Variants in RNLS observed in about 807,000 individuals in gnomAD.
RNLS encodes the protein renalase, FAD dependent amine oxidase.
Under a neutral mutation model 39.8 loss-of-function variants are expected in RNLS, and 39 were observed. The ratio of observed to expected loss-of-function variants is 0.98; its 90% CI spans 0.76 to 1.28. RNLS has a LOEUF of 1.28. Ranked by LOEUF, RNLS falls within the 50% of genes most tolerant of loss-of-function variation. The pLI is 0.00. For synonymous variants in RNLS, 147 were observed against 150.7 expected, an observed-to-expected ratio of 0.98 and a Z score of 0.18; for missense variants, 410 against 413.3, an observed-to-expected ratio of 0.99 and a Z score of 0.07.
At chr10:88,309,524 T>C (rs1241471670) in intron 6 of RNLS, 3 of 1,165,764 alleles carry the variant, frequency 2.6e-6, no homozygotes, top group Non-Finnish European at 3.4e-6. Flanking sequence ...TCCCCTTTTC[T>C]CTCTTACTCC....
chr10:88,317,167 A>T (rs1020313577), intron 5 of RNLS, among the ~76,000 whole-genome samples: 1 of 152,188 alleles, frequency 6.6e-6, no homozygotes, highest in Non-Finnish European at 1.5e-5. Context: ...TTATTTCTCT[A>T]CTTTGGGAAA....
chr10:88,316,236 T>C (rs76914642), intron 5 of RNLS, among the ~76,000 whole-genome samples: 7,864 of 152,144 alleles, frequency 0.052, 279 homozygotes, highest in South Asian at 0.11. Flanking sequence ...AAAGAGGAAA[T>C]AGAGGGGCCA....
At chr10:88,440,876 C>A (rs1324722793) in intron 4 of RNLS, among the ~76,000 whole-genome samples, 1 of 152,082 alleles carries the variant, frequency 6.6e-6, no homozygotes, top group Non-Finnish European at 1.5e-5. Flanking sequence ...TGCTGAGATG[C>A]TTGAGGGAGG....
intron 4 of RNLS, among the ~76,000 whole-genome samples, chr10:88,516,491 T>C (rs899395850): frequency 2.0e-5 from 3 of 151,948 alleles, no homozygotes; most frequent in African/African-American, 4.8e-5. Flanking sequence ...TAAACTACAA[T>C]GGAATTACAT....
At chr10:88,350,141 T>C (rs1848580606) in intron 5 of RNLS, among the ~76,000 whole-genome samples, 1 of 152,158 alleles carries the variant, frequency 6.6e-6, no homozygotes, top group Non-Finnish European at 1.5e-5. Flanking sequence ...CTTCCTTTTT[T>C]GTTCTACTTA....
chr10:88,321,558 C>T (rs1379564735), intron 5 of RNLS, among the ~76,000 whole-genome samples: 1 of 151,972 alleles, frequency 6.6e-6, no homozygotes, highest in Non-Finnish European at 1.5e-5. Flanking sequence ...CCAGTAGCTA[C>T]ATTAACCAAG....
chr10:88,188,527 G>A, the RNLS span, among the ~76,000 whole-genome samples: 42 of 152,328 alleles, frequency 2.8e-4, no homozygotes, highest in African/African-American at 1.0e-3. Flanking sequence ...TTTTGGGTAC[G>A]ATGCTTTTCC....
chr10:88,403,524 A>G (rs1464406170), intron 4 of RNLS, among the ~76,000 whole-genome samples: 3 of 152,120 alleles, frequency 2.0e-5, no homozygotes, highest in Non-Finnish European at 4.4e-5. Flanking sequence ...TTTGGGTCAC[A>G]TTGGGATTAT....
chr10:88,208,716 T>G, the RNLS span, among the ~76,000 whole-genome samples: 1 of 152,090 alleles, frequency 6.6e-6, no homozygotes, highest in South Asian at 2.1e-4. Flanking sequence ...TCTACAGAAA[T>G]TTCTGATATT....
intron 4 of RNLS, among the ~76,000 whole-genome samples, chr10:88,458,951 A>G (rs1842785494): frequency 6.6e-6 from 1 of 152,214 alleles, no homozygotes; most frequent in Non-Finnish European, 1.5e-5. Flanking sequence ...AAGGAAGGAA[A>G]GAAAGAAGGG....
chr10:88,193,850 A>T, the RNLS span, among the ~76,000 whole-genome samples: 1 of 152,180 alleles, frequency 6.6e-6, no homozygotes. Flanking sequence ...AAAATTAGCT[A>T]AAACCAATTA....
chr10:88,504,181 GATTACTTATA>G (rs1006864201), intron 4 of RNLS, among the ~76,000 whole-genome samples: 11 of 152,188 alleles, frequency 7.2e-5, no homozygotes, highest in African/African-American at 2.6e-4. Context: ...AAGCTACTTA[GATTACTTATA>G]ACAGCAAAAC....
At chr10:88,509,631 C>T (rs547518444) in intron 4 of RNLS, among the ~76,000 whole-genome samples, 25 of 149,484 alleles carry the variant, frequency 1.7e-4, no homozygotes, top group Non-Finnish European at 3.5e-4. Context: ...AGAACATTAG[C>T]TTAAAAAATG....
the RNLS span, among the ~76,000 whole-genome samples, chr10:88,263,227 A>G: frequency 6.6e-6 from 1 of 152,156 alleles, no homozygotes; most frequent in African/African-American, 2.4e-5. Context: ...AGTGAAATTC[A>G]TGACGAGAAT....
intron 3 of RNLS, among the ~76,000 whole-genome samples, chr10:88,575,194 T>C (rs1850113895): frequency 1.2e-5 from 1 of 85,084 alleles, no homozygotes; most frequent in Non-Finnish European, 2.2e-5. Flanking sequence ...TATATATATA[T>C]ACTATATATA....
intron 4 of RNLS, among the ~76,000 whole-genome samples, chr10:88,381,028 T>C (rs764871372): frequency 1.3e-5 from 2 of 152,240 alleles, no homozygotes; most frequent in Non-Finnish European, 2.9e-5. Flanking sequence ...TGCCATTTTA[T>C]TTTAATTTAT....
At chr10:88,335,658 TAAG>T (rs964698770) in intron 5 of RNLS, among the ~76,000 whole-genome samples, 20 of 152,214 alleles carry the variant, frequency 1.3e-4, no homozygotes, top group African/African-American at 3.9e-4. Context: ...TTATTAAAAA[TAAG>T]AAGCAGGTGG....
intron 4 of RNLS, among the ~76,000 whole-genome samples, chr10:88,443,720 G>A (rs1275161902): frequency 6.6e-6 from 1 of 151,998 alleles, no homozygotes; most frequent in Non-Finnish European, 1.5e-5. Flanking sequence ...CTCATCTCTT[G>A]TAGCTAGCAC....
At chr10:88,322,254 C>T (rs1245089271) in intron 5 of RNLS, among the ~76,000 whole-genome samples, 1 of 152,098 alleles carries the variant, frequency 6.6e-6, no homozygotes, top group Non-Finnish European at 1.5e-5. Context: ...AAAAACCCTC[C>T]AACGAACTAG....
Sources: gnomAD v4.1 joint callset for allele counts (sites outside exome capture counted in the v4.1 genomes callset) on GRCh38, gnomAD v4.1.1 for gene constraint, MANE v1.5 for transcripts, NCBI Gene and HGNC (gene_info 2026-07-23, HGNC 2026-07-21) for gene names.